The following PLAGL1 variants were observed in gnomAD, a reference collection of about 807,000 sequenced individuals.
The protein encoded by PLAGL1 is PLAG1 like zinc finger 1, also known as zinc finger protein PLAGL1.
PLAGL1 carries 1 observed loss-of-function variant against 4.6 expected under a neutral mutation model. The ratio of observed to expected loss-of-function variants is 0.22; its 90% CI spans 0.08 to 1.03. The LOEUF (loss-of-function observed/expected upper bound fraction) is 1.03, where lower values mean the gene tolerates loss of function less well. Ranked by LOEUF, PLAGL1 falls within the 50% of genes least tolerant of loss-of-function variation. PLAGL1 has a pLI of 0.58. For synonymous variants in PLAGL1, 240 were observed against 237.8 expected (o/e 1.01, Z -0.08); for missense variants, 464 against 570.4 (o/e 0.81, Z 1.90).
intron 1 of PLAGL1, among the ~76,000 whole-genome samples, chr6:144,020,341 G>C (rs1316682549): frequency 1.3e-5 from 2 of 152,124 alleles, no homozygotes; most frequent in African/African-American, 4.8e-5. Flanking sequence ...AGGCTGGAGT[G>C]CAATGGTGCA....
At chr6:144,014,904 G>A (rs557282865) in intron 1 of PLAGL1, among the ~76,000 whole-genome samples, 7 of 152,172 alleles carry the variant, frequency 4.6e-5, no homozygotes, top group African/African-American at 1.7e-4. Flanking sequence ...TTTTGACAGA[G>A]GTATAACATA....
rs1781578432 is a variant in PLAGL1, at chr6:143,953,988, T to C, written c.-324-5528A>G. Reference sequence around the variant, plus strand: ...TAGCACAAGTGCTCGCTATGGAGACTGTATGAAAGTGGGGGAGTAGCCTGA... The same window carrying C: ...TAGCACAAGTGCTCGCTATGGAGACCGTATGAAAGTGGGGGAGTAGCCTGA... On this transcript the variant is annotated intron_variant, in intron 6 of 7. Coordinates refer to ENST00000674357, the MANE Select transcript of PLAGL1 (RefSeq NM_001317162.2). The surrounding 1 kb of genome is among the most constrained non-coding windows in gnomAD (Gnocchi z 5.3). Among the ~76,000 whole-genome samples the C allele has an allele frequency of 6.6e-6, 1 of 152,162 alleles. No homozygotes were observed. Among genetic ancestry groups the C allele is most frequent in the Non-Finnish European group, 1.5e-5 (1 of 68,020 alleles).
rs1391815595 is a variant in PLAGL1 at position 143,972,436 on chromosome 6, T to C, written c.-543-3458A>G. Among the ~76,000 whole-genome samples, 1 of 152,248 alleles carries C rather than the reference T, an allele frequency of 6.6e-6. No homozygotes were observed. Among genetic ancestry groups the C allele is most frequent in the Non-Finnish European group, 1.5e-5 (1 of 68,044 alleles). On this transcript the variant is annotated intron_variant, in intron 2 of 7. Coordinates refer to ENST00000674357, the MANE Select transcript of PLAGL1 (RefSeq NM_001317162.2). This position sits in a 1 kb window ranked among gnomAD's most constrained non-coding sequence, Gnocchi z 6.8. ...GTATCTCAGAGATGTTTCCTTGTGATAATCTCAAGACTTTTTCTTTAGTGT... is the reference window on the plus strand; with the variant it reads ...GTATCTCAGAGATGTTTCCTTGTGACAATCTCAAGACTTTTTCTTTAGTGT...
chr6:143,942,800 TCCAAA>T lies in PLAGL1; in HGVS notation c.153-142_153-138del. ...ATTTTCAAAATTCTTTCATATATTT[TCCAAA>T]TATATAAACTTTTATAATTAAGAAA... On this transcript the variant is annotated intron_variant, in intron 7 of 7. Transcript: ENST00000674357. The surrounding 1 kb of genome is among the most constrained non-coding windows in gnomAD (Gnocchi z 7.6). 1 of 616,000 alleles carries T rather than the reference TCCAAA, an allele frequency of 1.6e-6. No individual in the cohort carries two copies. The highest frequency in any genetic ancestry group is 2.9e-5 in the East Asian group (1 of 34,012). 38.2% of individuals were successfully genotyped at this position (616,000 alleles called of 1,614,324 possible). A position where few individuals can be genotyped will look rare whatever the true frequency, so the allele number is the denominator to read the frequency against.
At chr6:144,023,590 T>C (rs1429203096) in intron 1 of PLAGL1, among the ~76,000 whole-genome samples, 3 of 152,012 alleles carry the variant, frequency 2.0e-5, no homozygotes, top group Non-Finnish European at 2.9e-5. Context: ...GGGTACAAAT[T>C]AACAATTCCA....
At chr6:144,030,974 C>T (rs906560225) in intron 1 of PLAGL1, among the ~76,000 whole-genome samples, 4 of 152,158 alleles carry the variant, frequency 2.6e-5, no homozygotes, top group African/African-American at 4.8e-5. Context: ...TTTACATTCC[C>T]GCCAACAATA....
intron 1 of PLAGL1, among the ~76,000 whole-genome samples, chr6:144,026,000 A>G (rs1796315565): frequency 6.6e-6 from 1 of 152,230 alleles, no homozygotes; most frequent in African/African-American, 2.4e-5. Flanking sequence ...AATACTAAGT[A>G]ACAACTAATA....
rs1017610086 is a variant in PLAGL1, at chr6:144,056,268, C to T, written c.-151+8200G>A. Among the ~76,000 whole-genome samples the T allele has an allele frequency of 2.0e-5, 3 of 152,182 alleles. No homozygotes were observed. The highest frequency in any genetic ancestry group is 1.9e-4 in the East Asian group (1 of 5,200). ...CATCCCCCACACACGCACAGCCTCC[C>T]CTATTACCGGCATCCCCACCAGGAT... On this transcript the variant is annotated intron_variant, in intron 1 of 3. Transcript: ENST00000437412. The surrounding 1 kb of genome is among the most constrained non-coding windows in gnomAD (Gnocchi z 4.7).
rs1390896974 is a variant in PLAGL1 at position 144,022,143 on chromosome 6, T to C, written c.-151+42325A>G. On this transcript the variant is annotated intron_variant, in intron 1 of 3. Transcript: ENST00000437412. This position sits in a 1 kb window ranked among gnomAD's most constrained non-coding sequence, Gnocchi z 4.2. ...TTGGTAGAATTATTTGCAAATCACA[T>C]ATCTGAGAAATAACTTATATTAAAT... Among the ~76,000 whole-genome samples the C allele has an allele frequency of 6.6e-6, 1 of 151,716 alleles. No homozygotes were observed. Among genetic ancestry groups the C allele is most frequent in the Non-Finnish European group, 1.5e-5 (1 of 68,026 alleles).
At chr6:143,946,697 A>G (rs1370922047) in intron 7 of PLAGL1, among the ~76,000 whole-genome samples, 1 of 152,226 alleles carries the variant, frequency 6.6e-6, no homozygotes, top group African/African-American at 2.4e-5. Context: ...AATGTGGTCT[A>G]TGGTAATACC....
chr6:144,000,864 A>G lies in PLAGL1; in HGVS notation c.-584+7226T>C, dbSNP rs1182217124. Among the ~76,000 whole-genome samples, 1 of 152,170 alleles carries G rather than the reference A, an allele frequency of 6.6e-6. No individual in the cohort carries two copies. Among genetic ancestry groups the G allele is most frequent in the Non-Finnish European group, 1.5e-5 (1 of 67,978 alleles). On this transcript the variant is annotated intron_variant, in intron 1 of 7. Transcript: ENST00000674357. This position sits in a 1 kb window ranked among gnomAD's most constrained non-coding sequence, Gnocchi z 4.1. ...CTGGAAAAACATCCTTTAAAATGTC[A>G]GATATTTGTAATTCTTCATGTCATC...
rs938566108 is a variant in PLAGL1, at chr6:144,064,383, A to T, written c.-151+85T>A. 3.3e-5 allele frequency: 5 copies of T among 150,962 alleles called. No individual in the cohort carries two copies. Among genetic ancestry groups the T allele is most frequent in the Admixed American group, 3.3e-4 (5 of 15,216 alleles). The allele number at this position is 150,962 out of a possible 1,614,324, so 9.4% of individuals were successfully genotyped here. A position where few individuals can be genotyped will look rare whatever the true frequency, so the allele number is the denominator to read the frequency against. ...GTTGGAGCCCCCGCCCCACGCGCCCACCTTAACGCCGCGCCCCCGGCTCCC... is the reference window on the plus strand; with the variant it reads ...GTTGGAGCCCCCGCCCCACGCGCCCTCCTTAACGCCGCGCCCCCGGCTCCC... On this transcript the variant is annotated intron_variant, in intron 1 of 3. Transcript: ENST00000437412. This position sits in a 1 kb window ranked among gnomAD's most constrained non-coding sequence, Gnocchi z 6.8.
rs1009330894 is a variant in PLAGL1, at chr6:143,940,607, A to ATAT, written c.*814_*816dup. Reference sequence around the variant, plus strand: ...AAGAAAATTCTTGTTTAATATATATATATTTTTAATTCCAGTAATATTTTC... The same window carrying ATAT: ...AAGAAAATTCTTGTTTAATATATATATATTATTTTTAATTCCAGTAATATTTTC... On this transcript the variant is annotated 3_prime_UTR_variant, in exon 8 of 8. Transcript: ENST00000674357. 1 of 152,518 alleles carries ATAT rather than the reference A, an allele frequency of 6.6e-6. No homozygotes were observed. Among genetic ancestry groups the ATAT allele is most frequent in the East Asian group, 1.9e-4 (1 of 5,190 alleles). The allele number at this position is 152,518 out of a possible 1,614,324, so 9.4% of individuals were successfully genotyped here.
chr6:144,053,944 G>C lies in PLAGL1; in HGVS notation c.-151+10524C>G, dbSNP rs1266196344. Among the ~76,000 whole-genome samples the C allele has an allele frequency of 6.6e-6, 1 of 152,144 alleles. No individual in the cohort carries two copies. The highest frequency in any genetic ancestry group is 2.4e-5 in the African/African-American group (1 of 41,412). ...TGAATCCTGTCAAAGTACATACCAA[G>C]AAGAACACCATCAACTTCAAAATCC... On this transcript the variant is annotated intron_variant, in intron 1 of 3. Transcript: ENST00000437412. The surrounding 1 kb of genome is among the most constrained non-coding windows in gnomAD (Gnocchi z 4.0).
chr6:144,020,273 CCTTG>C (rs1795874236), intron 1 of PLAGL1, among the ~76,000 whole-genome samples: 1 of 149,836 alleles, frequency 6.7e-6, no homozygotes, highest in Non-Finnish European at 1.5e-5. Context: ...ATGGACACTT[CCTTG>C]TTTGTTTGTT....
chr6:144,047,758 A>G (rs923098236), intron 1 of PLAGL1, among the ~76,000 whole-genome samples: 2 of 152,236 alleles, frequency 1.3e-5, no homozygotes, highest in Non-Finnish European at 2.9e-5. Context: ...GTGGGAACAC[A>G]AATTCTAACC....
chr6:143,989,520 C>A lies in PLAGL1; in HGVS notation c.-583-4346G>T, dbSNP rs2128627214. On this transcript the variant is annotated intron_variant, in intron 1 of 7. Coordinates refer to ENST00000674357, the MANE Select transcript of PLAGL1 (RefSeq NM_001317162.2). The surrounding 1 kb of genome is among the most constrained non-coding windows in gnomAD (Gnocchi z 4.8). ...TGCCTGCCTGAGCTGGGACATCAGTCTCCTCCTGTCCTTGGACTGGGATTT... is the reference window on the plus strand; with the variant it reads ...TGCCTGCCTGAGCTGGGACATCAGTATCCTCCTGTCCTTGGACTGGGATTT... Among the ~76,000 whole-genome samples, 1 of 152,320 alleles carries A rather than the reference C, an allele frequency of 6.6e-6. No homozygotes were observed. Among genetic ancestry groups the A allele is most frequent in the East Asian group, 1.9e-4 (1 of 5,184 alleles).
At position 143,971,207 on chromosome 6, in the gene PLAGL1, C is replaced by T. The variant is rs1052352532; in HGVS notation, c.-543-2229G>A. Among the ~76,000 whole-genome samples the T allele has an allele frequency of 6.6e-6, 1 of 151,994 alleles. No homozygotes were observed. The highest frequency in any genetic ancestry group is 2.4e-5 in the African/African-American group (1 of 41,378). On this transcript the variant is annotated intron_variant, in intron 2 of 7. Coordinates refer to ENST00000674357, the MANE Select transcript of PLAGL1 (RefSeq NM_001317162.2). The surrounding 1 kb of genome is among the most constrained non-coding windows in gnomAD (Gnocchi z 4.7). ...AATCTAAAATCTCAGAATCACATCC[C>T]GCTGACCCGACGTTATTTGTACAAC...
rs1778658476 is a variant in PLAGL1, at chr6:143,941,830, C to CTGA, written c.983_985dup (p.Ile328dup). ...TTGCAGAGGCAAGTCCTCAAACAAA[C>CTGA]TGATATTGCAAAAACCTTTAGTATC... On this transcript the variant is annotated inframe_insertion, in exon 8 of 8. Transcript: ENST00000674357. The surrounding 1 kb of genome is among the most constrained non-coding windows in gnomAD (Gnocchi z 6.0). 1.2e-6 allele frequency: 2 copies of CTGA among 1,614,210 alleles called. No individual in the cohort carries two copies. Among genetic ancestry groups the CTGA allele is most frequent in the African/African-American group, 2.7e-5 (2 of 75,048 alleles).
Sources: allele counts gnomAD v4.1 joint callset (sites outside exome capture counted in the v4.1 genomes callset), GRCh38; gene constraint gnomAD v4.1.1; non-coding constraint Gnocchi (gnomAD v3.1); transcripts MANE v1.5; gene names NCBI Gene and HGNC (gene_info 2026-07-23, HGNC 2026-07-21).